TENM3: variants seen among roughly 807,000 people sequenced by gnomAD.
TENM3 encodes teneurin-3.
A neutral mutation model predicts 255.1 loss-of-function variants in TENM3; 63 were observed. The observed-to-expected ratio is 0.25, with a 90% CI of 0.20 to 0.30. The LOEUF (loss-of-function observed/expected upper bound fraction) is 0.30, where lower values mean the gene tolerates loss of function less well. Among genes scored for constraint, TENM3 ranks in the 10% least tolerant of loss-of-function variants. The pLI is 1.00. For missense variants in TENM3, 2,929 were observed against 3,461.1 expected, an observed-to-expected ratio of 0.85 and a Z score of 3.86; for synonymous variants, 1,306 against 1,322.3, an observed-to-expected ratio of 0.99 and a Z score of 0.27.
chr4:182,491,698 T>C (rs1289051533), intron 3 of TENM3, among the ~76,000 whole-genome samples: 1 of 152,186 alleles, frequency 6.6e-6, no homozygotes, highest in Non-Finnish European at 1.5e-5. Flanking sequence ...CCCAAGGAAG[T>C]ACTTTTTACT....
chr4:182,393,073 G>T (rs1321612745), intron 3 of TENM3, among the ~76,000 whole-genome samples: 1 of 152,152 alleles, frequency 6.6e-6, no homozygotes, highest in African/African-American at 2.4e-5. Flanking sequence ...TCCTCTTAAT[G>T]AGATCCATTT....
At chr4:182,011,313 G>A in the TENM3 span, among the ~76,000 whole-genome samples, 1 of 152,176 alleles carries the variant, frequency 6.6e-6, no homozygotes, top group Non-Finnish European at 1.5e-5. Flanking sequence ...CCCAGACATT[G>A]AGAGTCATTC....
the TENM3 span, among the ~76,000 whole-genome samples, chr4:181,614,587 AAC>A: frequency 4.6e-5 from 7 of 152,194 alleles, no homozygotes; most frequent in Admixed American, 3.9e-4. Flanking sequence ...CCGCAGATTT[AAC>A]ACAGTCTCTG....
At chr4:181,849,326 G>A in the TENM3 span, among the ~76,000 whole-genome samples, 1 of 152,142 alleles carries the variant, frequency 6.6e-6, no homozygotes, top group Non-Finnish European at 1.5e-5. Context: ...ATCTCAGTTG[G>A]ACTGTTAATT....
rs184116837 is a variant in TENM3 at position 182,360,573 on chromosome 4, G to A, written c.511+13644G>A. Reference sequence around the variant, plus strand: ...GCCTTTTTTTCTTTTCCATTTGCTTGGTAGGTCTTCCTCCATCCTTTTATT... The same window carrying A: ...GCCTTTTTTTCTTTTCCATTTGCTTAGTAGGTCTTCCTCCATCCTTTTATT... On this transcript the variant is annotated intron_variant, in intron 3 of 27. Transcript: ENST00000511685. 9.5e-4 allele frequency among the ~76,000 whole-genome samples: 145 copies of A among 152,050 alleles called. 1 individual carries two copies. Among genetic ancestry groups the A allele is most frequent in the South Asian group, 7.5e-3 (36 of 4,812 alleles).
At chr4:182,397,526 A>C (rs1249492967) in intron 3 of TENM3, among the ~76,000 whole-genome samples, 1 of 151,942 alleles carries the variant, frequency 6.6e-6, no homozygotes, top group Non-Finnish European at 1.5e-5. Flanking sequence ...GCCAGAGGCC[A>C]CAGGACACAT....
rs112671333 is a variant in TENM3 at position 182,459,471 on chromosome 4, G to C, written c.511+112542G>C. Among the ~76,000 whole-genome samples the C allele has an allele frequency of 7.4e-3, 1,122 of 152,044 alleles. 12 individuals carry two copies. Among genetic ancestry groups the C allele is most frequent in the African/African-American group, 0.026 (1,059 of 41,498 alleles). ...TAAATTTTGGAATTCAGAATCTAAG[G>C]CTTTATACATTAGTTATTTTTAATG... On this transcript the variant is annotated intron_variant, in intron 3 of 27. Coordinates refer to ENST00000511685, the MANE Select transcript of TENM3 (RefSeq NM_001080477.4).
chr4:182,260,224 A>G (rs1046647527), intron 1 of TENM3, among the ~76,000 whole-genome samples: 4 of 152,204 alleles, frequency 2.6e-5, no homozygotes, highest in African/African-American at 9.6e-5. Flanking sequence ...TCTTCAATAT[A>G]CTGACTTCCT....
chr4:181,553,270 T>A, the TENM3 span, among the ~76,000 whole-genome samples: 1 of 133,722 alleles, frequency 7.5e-6, no homozygotes, highest in Non-Finnish European at 1.6e-5. Flanking sequence ...AGTGTGTGTG[T>A]GTGTGTGTGT....
the TENM3 span, among the ~76,000 whole-genome samples, chr4:181,544,408 TAAAA>T: frequency 5.7e-3 from 393 of 68,650 alleles, 4 homozygotes; most frequent in African/African-American, 0.019. Flanking sequence ...CCTTCAGGAT[TAAAA>T]AAAAAAAAAA....
the TENM3 span, among the ~76,000 whole-genome samples, chr4:181,668,184 TA>T: frequency 1.0e-3 from 153 of 152,300 alleles, no homozygotes; most frequent in African/African-American, 3.5e-3. Flanking sequence ...GAAGTACACA[TA>T]AGCACACACA....
At chr4:182,461,907 T>G (rs1367243239) in intron 3 of TENM3, among the ~76,000 whole-genome samples, 1 of 152,194 alleles carries the variant, frequency 6.6e-6, no homozygotes, top group Non-Finnish European at 1.5e-5. Flanking sequence ...CCCAGTTTGC[T>G]GTTTTCTTGA....
the TENM3 span, among the ~76,000 whole-genome samples, chr4:182,016,372 C>T: frequency 6.6e-6 from 1 of 152,312 alleles, no homozygotes; most frequent in Admixed American, 6.5e-5. Flanking sequence ...TTGCTTTCAT[C>T]TTCTTGTTAG....
At position 182,792,749 on chromosome 4, in the gene TENM3, G is replaced by T. The variant is rs755673618; in HGVS notation, c.6077G>T (p.Arg2026Leu). Residue 2026 changes from arginine to leucine, a missense_variant, in exon 26 of 28, where the codon CGA becomes CTA. By Grantham distance (102) the Arg-to-Leu change is moderately radical (BLOSUM62 -2). This residue lies in a region of TENM3 where 303 missense variants were observed against 425.2 expected (regional missense o/e 0.71). Transcript: ENST00000511685. This position sits in a 1 kb window ranked among gnomAD's most constrained non-coding sequence, Gnocchi z 6.3. Reference sequence around the variant, plus strand: ...GACTATAGCTATGACAACAGCTTTCGAGTGACCAGCATGCAGGGTGTGATC... The same window carrying T: ...GACTATAGCTATGACAACAGCTTTCTAGTGACCAGCATGCAGGGTGTGATC... ...RFDYSYDNSFRVTSMQGVINE... is the reference protein window; with the variant it reads ...RFDYSYDNSFLVTSMQGVINE... The T allele has an allele frequency of 1.2e-6, 2 of 1,613,886 alleles. No individual in the cohort carries two copies. The highest frequency in any genetic ancestry group is 1.7e-6 in the Non-Finnish European group (2 of 1,179,890).
chr4:182,607,442 GA>G (rs946403069), intron 4 of TENM3, among the ~76,000 whole-genome samples: 33 of 151,628 alleles, frequency 2.2e-4, no homozygotes, highest in African/African-American at 8.0e-4. Flanking sequence ...TTCTTGAGAA[GA>G]AAAAAAATCT....
At position 182,228,358 on chromosome 4, in the gene TENM3, A is replaced by ATGTATGTGTG. The variant is rs1554035080; in HGVS notation, c.-76+83607_-76+83608insATGTGTGTGT. On this transcript the variant is annotated intron_variant, in intron 1 of 2. Coordinates refer to the TENM3 transcript ENST00000512480. ...CCTTAAATATATATAATGTAATGTA[A>ATGTATGTGTG]TGTGTGTGTGTGTGTGTGTGTGTGT... Among the ~76,000 whole-genome samples, 144 of 109,112 alleles carry ATGTATGTGTG rather than the reference A, an allele frequency of 1.3e-3. 4 individuals are homozygous for ATGTATGTGTG. Among genetic ancestry groups the ATGTATGTGTG allele is most frequent in the Middle Eastern group, 4.8e-3 (1 of 210 alleles). The allele number at this position is 109,112 out of a possible 152,430, so 71.6% of individuals were successfully genotyped here.
intron 24 of TENM3, among the ~76,000 whole-genome samples, chr4:182,779,521 G>A (rs960795459): frequency 2.6e-5 from 4 of 152,236 alleles, no homozygotes; most frequent in South Asian, 2.1e-4. Context: ...ATAAACATAC[G>A]TGTGCATGTG....
the TENM3 span, among the ~76,000 whole-genome samples, chr4:181,777,999 T>G: frequency 3.3e-5 from 5 of 152,170 alleles, no homozygotes; most frequent in African/African-American, 4.8e-5. Flanking sequence ...CCGTTACTTA[T>G]GCTGTAACTC....
At chr4:181,547,958 C>T in the TENM3 span, among the ~76,000 whole-genome samples, 3 of 151,978 alleles carry the variant, frequency 2.0e-5, no homozygotes, top group Non-Finnish European at 4.4e-5. Context: ...ATCCCTCCCC[C>T]GTCCCCCCAC....
Sources: allele counts gnomAD v4.1 joint callset (sites outside exome capture counted in the v4.1 genomes callset), GRCh38; gene constraint gnomAD v4.1.1; regional missense constraint gnomAD v4.1.1; non-coding constraint Gnocchi (gnomAD v3.1); transcripts MANE v1.5; gene names NCBI Gene and HGNC (gene_info 2026-07-23, HGNC 2026-07-21).